Variants in CHODL observed in about 807,000 individuals in gnomAD.
CHODL encodes the protein chondrolectin, also known as transmembrane protein MT75.
CHODL carries 29 observed loss-of-function variants against 34.5 expected under a neutral mutation model. The ratio of observed to expected loss-of-function variants is 0.84; its 90% confidence interval spans 0.63 to 1.15. The LOEUF is 1.15. Among genes scored for constraint, CHODL ranks in the 50% most tolerant of loss-of-function variants. The probability of loss-of-function intolerance (pLI) is 0.00; values close to 1 mark genes in which losing one functional copy is unlikely to be tolerated. For missense variants in CHODL, 332 were observed against 332.5 expected (o/e 1.00, Z 0.01); for synonymous variants, 125 against 116.1 (o/e 1.08, Z -0.49).
chr21:17,945,724 A>G (rs1220978762), intron 1 of CHODL, among the ~76,000 whole-genome samples: 1 of 152,240 alleles, frequency 6.6e-6, no homozygotes. Flanking sequence ...TCTAGGAAAG[A>G]TACCAACACC....
chr21:17,975,081 A>C (rs1275726360), intron 1 of CHODL, among the ~76,000 whole-genome samples: 2 of 152,040 alleles, frequency 1.3e-5, no homozygotes, highest in Non-Finnish European at 2.9e-5. Context: ...TAATCCCAGC[A>C]CTTTGGAAGG....
intron 2 of CHODL, among the ~76,000 whole-genome samples, chr21:18,028,805 T>G (rs1174118605): frequency 1.3e-5 from 2 of 151,706 alleles, no homozygotes; most frequent in Non-Finnish European, 1.5e-5. Context: ...ATTTGTTGAA[T>G]ATTGTTGAAT....
At chr21:18,254,021 C>A (rs1186955934) in intron 1 of CHODL, among the ~76,000 whole-genome samples, 2 of 152,196 alleles carry the variant, frequency 1.3e-5, no homozygotes, top group African/African-American at 2.4e-5. Flanking sequence ...GATTTCTGTG[C>A]CTTTCTCCCT....
At chr21:18,139,032 G>C (rs1243836900) in intron 2 of CHODL, among the ~76,000 whole-genome samples, 1 of 152,050 alleles carries the variant, frequency 6.6e-6, no homozygotes, top group African/African-American at 2.4e-5. Context: ...TTTCATAAAA[G>C]ATAATGCTGC....
At chr21:18,199,634 A>T (rs1466870184) in intron 2 of CHODL, among the ~76,000 whole-genome samples, 1 of 152,024 alleles carries the variant, frequency 6.6e-6, no homozygotes, top group African/African-American at 2.4e-5. Flanking sequence ...TCCTATCCTA[A>T]ATCTCTGCCA....
chr21:18,146,608 C>A (rs938330466), intron 2 of CHODL, among the ~76,000 whole-genome samples: 1 of 152,184 alleles, frequency 6.6e-6, no homozygotes, highest in Admixed American at 6.5e-5. Flanking sequence ...CCTCCCCAGC[C>A]ATGTGGAACT....
chr21:18,134,056 A>G lies in CHODL; in HGVS notation c.-45+106085A>G, dbSNP rs148570284. On this transcript the variant is annotated intron_variant, in intron 2 of 6. Coordinates refer to the CHODL transcript ENST00000400127. ...CTGAGCAATTTGCTTTGGCAATAGTAATAATTTTTCTAAGCACGATATACA... is the reference window on the plus strand; with the variant it reads ...CTGAGCAATTTGCTTTGGCAATAGTGATAATTTTTCTAAGCACGATATACA... Among the ~76,000 whole-genome samples, 129 of 152,294 alleles carry G rather than the reference A, an allele frequency of 8.5e-4. 1 individual carries two copies. Among genetic ancestry groups the G allele is most frequent in the African/African-American group, 3.1e-3 (127 of 41,576 alleles).
At chr21:18,001,807 A>T in intron 1 of CHODL, among the ~76,000 whole-genome samples, 1 of 145,468 alleles carries the variant, frequency 6.9e-6, no homozygotes, top group South Asian at 2.1e-4. Flanking sequence ...AATTTCCCAC[A>T]ATCCTGTTAC....
At chr21:17,968,422 C>T (rs758170904) in intron 1 of CHODL, among the ~76,000 whole-genome samples, 14 of 152,134 alleles carry the variant, frequency 9.2e-5, no homozygotes, top group South Asian at 2.1e-4. Flanking sequence ...ATCTTTTGCA[C>T]GAAAGTGGCT....
intron 2 of CHODL, among the ~76,000 whole-genome samples, chr21:18,138,154 CT>C (rs57677614): frequency 0.18 from 25,911 of 144,986 alleles, 3,639 homozygotes; most frequent in African/African-American, 0.39. Context: ...CCTGACTTAT[CT>C]TTTTTTTTTT....
intron 1 of CHODL, among the ~76,000 whole-genome samples, chr21:18,006,346 TAAAA>T (rs1248540803): frequency 8.1e-5 from 12 of 147,530 alleles, no homozygotes; most frequent in Admixed American, 8.1e-4. Flanking sequence ...GCCTGGAACT[TAAAA>T]TAAAAGAAAA....
At chr21:18,089,245 T>C (rs966482966) in intron 2 of CHODL, among the ~76,000 whole-genome samples, 5 of 152,212 alleles carry the variant, frequency 3.3e-5, no homozygotes, top group Admixed American at 3.3e-4. Flanking sequence ...AGCAGTTTCC[T>C]CTCTCTAGCT....
chr21:17,973,417 C>CTTTT (rs3077803), intron 1 of CHODL, among the ~76,000 whole-genome samples: 43 of 123,448 alleles, frequency 3.5e-4, no homozygotes, highest in East Asian at 8.9e-4. Context: ...TTCTTTCTTT[C>CTTTT]TTTTTTTTTT....
intron 2 of CHODL, among the ~76,000 whole-genome samples, chr21:18,237,482 G>A (rs2074039257): frequency 1.3e-5 from 2 of 152,234 alleles, no homozygotes; most frequent in African/African-American, 2.4e-5. Flanking sequence ...GAAGGTACTG[G>A]GGAGCTTTTC....
At position 17,938,562 on chromosome 21, in the gene CHODL, T is replaced by C. The variant is rs2063337541; in HGVS notation, c.-145+21162T>C. On this transcript the variant is annotated intron_variant, in intron 1 of 6. Transcript: ENST00000400127. ...GGCTCGATCTCGGCTCACTGCAAGC[T>C]CCGCCTCCCGGGTTCGCGCCATTCT... 3.0e-5 allele frequency among the ~76,000 whole-genome samples: 4 copies of C among 132,820 alleles called. No individual in the cohort carries two copies. In the South Asian group the frequency reaches 1.0e-3, roughly 34 times the overall value. The allele number at this position is 132,820 out of a possible 152,430, so 87.1% of individuals were successfully genotyped here.
At position 18,197,968 on chromosome 21, in the gene CHODL, A is replaced by G. The variant is rs537125318; in HGVS notation, c.-44-58541A>G. ...ACTTACCTAAGCATTTCAAGTCATC[A>G]TTAAAGAGAGAGACATACAGTTGAG... On this transcript the variant is annotated intron_variant, in intron 2 of 6. Transcript: ENST00000400127. Among the ~76,000 whole-genome samples, 24 of 152,366 alleles carry G rather than the reference A, an allele frequency of 1.6e-4. No homozygotes were observed. In the South Asian group the frequency reaches 1.7e-3, roughly 11 times the overall value.
intron 1 of CHODL, among the ~76,000 whole-genome samples, chr21:17,940,050 G>A (rs2063350626): frequency 6.6e-6 from 1 of 152,126 alleles, no homozygotes; most frequent in Non-Finnish European, 1.5e-5. Flanking sequence ...TGCTGTTGCT[G>A]TCTTGAAATT....
intron 2 of CHODL, among the ~76,000 whole-genome samples, chr21:18,091,174 T>C (rs989696287): frequency 6.6e-6 from 1 of 152,182 alleles, no homozygotes; most frequent in Non-Finnish European, 1.5e-5. Flanking sequence ...TAGCTAGAGG[T>C]AATTGCCCAT....
chr21:18,169,803 A>G (rs1052335302), intron 2 of CHODL, among the ~76,000 whole-genome samples: 1 of 152,012 alleles, frequency 6.6e-6, no homozygotes, highest in African/African-American at 2.4e-5. Flanking sequence ...TTGCTAGATT[A>G]GTTTTTATTT....
Sources: gnomAD v4.1 joint callset for allele counts (sites outside exome capture counted in the v4.1 genomes callset) on GRCh38, gnomAD v4.1.1 for gene constraint, MANE v1.5 for transcripts, NCBI Gene and HGNC (gene_info 2026-07-23, HGNC 2026-07-21) for gene names.